The following PIKFYVE variants were observed in gnomAD, a reference collection of about 807,000 sequenced individuals.
PIKFYVE encodes 1-phosphatidylinositol 3-phosphate 5-kinase.
In PIKFYVE, 122 loss-of-function variants were observed where a neutral mutation model predicts 257.9. The ratio of observed to expected loss-of-function variants is 0.47; its 90% confidence interval spans 0.41 to 0.55. The LOEUF (loss-of-function observed/expected upper bound fraction) is 0.55. Among genes scored for constraint, PIKFYVE ranks in the 20% least tolerant of loss-of-function variants. The pLI, the probability that PIKFYVE is intolerant of heterozygous loss-of-function variation, is 0.00. For missense variants in PIKFYVE, 2,160 were observed against 2,536.6 expected (o/e 0.85, Z 3.19); for synonymous variants, 892 against 868.9 (o/e 1.03, Z -0.47).
intron 30 of PIKFYVE, 107 bp downstream of exon 30, chr2:208,339,662 C>T: frequency 7.1e-7 from 1 of 1,399,648 alleles, no homozygotes; most frequent in Non-Finnish European, 9.9e-7. Flanking sequence ...ATATTTGCTT[C>T]ATAATAACAG....
intron 34 of PIKFYVE, among the ~76,000 whole-genome samples, chr2:208,346,671 G>C (rs896577843): frequency 3.9e-5 from 6 of 152,154 alleles, no homozygotes; most frequent in Non-Finnish European, 8.8e-5. Context: ...GACTTTGTCA[G>C]GAACACATTC....
Position 208,324,218 on chromosome 2 carries a change from T to G in PIKFYVE, c.2267T>G (p.Val756Gly). ...RPTLVLVEKT[V>G]SRIAQDMLLE... is the part of the protein sequence containing the mutation. ...ACCTTGGTTCTTGTTGAGAAAACAG[T>G]GTCTCGGATTGCCCAGGACATGTTA... The change falls in exon 18 of 42, where the codon GTG (valine) becomes GGG (glycine). Residue 756 changes from valine (V) to glycine (G), a missense_variant. Physicochemically the swap from Val to Gly is moderately radical, Grantham distance 109 (BLOSUM62 -3). Coordinates refer to ENST00000264380, the MANE Select transcript of PIKFYVE (RefSeq NM_015040.4). 1.9e-6 allele frequency: 3 copies of G among 1,614,058 alleles called. No homozygotes were observed. Among genetic ancestry groups the G allele is most frequent in the Non-Finnish European group, 2.5e-6 (3 of 1,179,908 alleles).
Position 208,357,079 on chromosome 2 carries a change from T to C in PIKFYVE, c.*1774T>C, listed in dbSNP as rs1340244558. On this transcript the variant is annotated 3_prime_UTR_variant, in exon 42 of 42. Transcript: ENST00000264380. Reference sequence around the variant, plus strand: ...TGACTAATGTGATGCTAAGTTCCACTTGGCCCCTTTTAAAAACGTGTATGT... The same window carrying C: ...TGACTAATGTGATGCTAAGTTCCACCTGGCCCCTTTTAAAAACGTGTATGT... 6.6e-6 allele frequency: 1 copy of C among 152,232 alleles called. No homozygotes were observed. The highest frequency in any genetic ancestry group is 2.4e-5 in the African/African-American group (1 of 41,446). The allele number at this position is 152,232 out of a possible 1,614,324, so 9.4% of individuals were successfully genotyped here.
intron 39 of PIKFYVE, 26 bp downstream of exon 39, chr2:208,352,808 A>G (rs1379903260): frequency 6.2e-7 from 1 of 1,609,576 alleles, no homozygotes. Context: ...TATGTGAAGC[A>G]TTTAGCTACT....
intron 17 of PIKFYVE, among the ~76,000 whole-genome samples, chr2:208,323,607 A>G (rs537188604): frequency 5.9e-4 from 90 of 152,196 alleles, no homozygotes; most frequent in African/African-American, 2.0e-3. Flanking sequence ...ATGATTTATA[A>G]TCCTTTGGGT....
chr2:208,353,943 G>C lies in PIKFYVE; in HGVS notation c.5890G>C (p.Asp1964His). 1.2e-6 allele frequency: 2 copies of C among 1,613,962 alleles called. No homozygotes were observed. Among genetic ancestry groups the C allele is most frequent in the Non-Finnish European group, 1.7e-6 (2 of 1,179,934 alleles). ...TCTTAGGAATCGGAATGTAAAAACT[G>C]ACACTGGAAAAGAGAGTTGTGATGT... ...GSLRNRNVKT[D>H]TGKESCDVVL... Residue 1964 changes from aspartate (D) to histidine (H), a missense_variant, in exon 40 of 42, where the codon GAC becomes CAC. This residue lies in a region of PIKFYVE where 699 missense variants were observed against 855.8 expected (regional missense o/e 0.82). Coordinates refer to ENST00000264380, the MANE Select transcript of PIKFYVE (RefSeq NM_015040.4).
intron 12 of PIKFYVE, among the ~76,000 whole-genome samples, chr2:208,306,236 A>G: frequency 6.6e-6 from 1 of 152,236 alleles, no homozygotes; most frequent in East Asian, 1.9e-4. Context: ...AGACATCTTT[A>G]TGGAAATCCT....
chr2:208,320,954 G>C (rs1412921453), intron 17 of PIKFYVE, among the ~76,000 whole-genome samples: 1 of 152,220 alleles, frequency 6.6e-6, no homozygotes, highest in Non-Finnish European at 1.5e-5. Flanking sequence ...GCATCTCTGT[G>C]TGGTTCTTGG....
chr2:208,293,245 T>A (rs1692543829), intron 7 of PIKFYVE, among the ~76,000 whole-genome samples: 1 of 152,162 alleles, frequency 6.6e-6, no homozygotes, highest in Non-Finnish European at 1.5e-5. Context: ...GGCATTCATT[T>A]CACTTACATA....
At chr2:208,268,635 G>A (rs1490427002) in intron 1 of PIKFYVE, among the ~76,000 whole-genome samples, 1 of 149,360 alleles carries the variant, frequency 6.7e-6, no homozygotes, top group African/African-American at 2.5e-5. Context: ...TACTTATTCA[G>A]TTATCAGCTT....
At chr2:208,343,750 T>G (rs1698950470) in intron 32 of PIKFYVE, among the ~76,000 whole-genome samples, 1 of 152,216 alleles carries the variant, frequency 6.6e-6, no homozygotes, top group Non-Finnish European at 1.5e-5. Flanking sequence ...TTCTGACTTT[T>G]TAGTTTATAC....
intron 27 of PIKFYVE, 35 bp from the exon 28 acceptor site, chr2:208,336,803 C>CCA (rs760201970): frequency 7.1e-7 from 1 of 1,409,566 alleles, no homozygotes; most frequent in Non-Finnish European, 1.0e-6. Context: ...TAGAAACAAA[C>CCA]CATATATATA....
rs1024877443 is a variant in PIKFYVE at position 208,280,973 on chromosome 2, T to A, written c.613+3265T>A. 2.0e-5 allele frequency among the ~76,000 whole-genome samples: 3 copies of A among 152,236 alleles called. No homozygotes were observed. In the East Asian group the frequency reaches 5.8e-4, roughly 29 times the overall value. On this transcript the variant is annotated intron_variant, in intron 5 of 41. Coordinates refer to ENST00000264380, the MANE Select transcript of PIKFYVE (RefSeq NM_015040.4). The stretch of plus-strand genomic sequence containing the variant: ...CCTATTGGCCCCTGCCACCCTGGGA[T>A]CCAGTGATCCCCATTGCATTTAGGT...
chr2:208,314,504 TA>T, intron 14 of PIKFYVE, 81 bp downstream of exon 14: 1 of 1,435,496 alleles, frequency 7.0e-7, no homozygotes, highest in Non-Finnish European at 9.5e-7. Context: ...TCATTCCTCT[TA>T]AAAAGGGAGG....
intron 5 of PIKFYVE, among the ~76,000 whole-genome samples, chr2:208,280,024 A>G (rs1005771643): frequency 1.3e-5 from 2 of 152,028 alleles, no homozygotes; most frequent in African/African-American, 4.8e-5. Context: ...GTTTCTCCCT[A>G]CCTCTAATTC....
chr2:208,295,039 A>G (rs1234156047), intron 7 of PIKFYVE, among the ~76,000 whole-genome samples: 1 of 149,692 alleles, frequency 6.7e-6, no homozygotes, highest in Non-Finnish European at 1.5e-5. Context: ...GAATTTGTCA[A>G]TTTGATTTTA....
intron 7 of PIKFYVE, among the ~76,000 whole-genome samples, chr2:208,291,203 T>C (rs1304334733): frequency 6.6e-6 from 1 of 152,168 alleles, no homozygotes; most frequent in East Asian, 1.9e-4. Context: ...AGAGTTTTTA[T>C]AATGAAGGAG....
chr2:208,277,833 G>T, intron 5 of PIKFYVE, 125 bp downstream of exon 5: 1 of 976,570 alleles, frequency 1.0e-6, no homozygotes, highest in South Asian at 1.4e-5. Flanking sequence ...GGACACAAAG[G>T]TGAGGGAGAC....
chr2:208,335,443 C>G (rs774312442), intron 25 of PIKFYVE, 24 bp downstream of exon 25: 1 of 1,469,380 alleles, frequency 6.8e-7, no homozygotes, highest in East Asian at 2.3e-5. Flanking sequence ...CTTTTATCAT[C>G]TTTTTTTGTT....
Sources: allele counts gnomAD v4.1 joint callset (sites outside exome capture counted in the v4.1 genomes callset), GRCh38; gene constraint gnomAD v4.1.1; regional missense constraint gnomAD v4.1.1; transcripts MANE v1.5; gene names NCBI Gene and HGNC (gene_info 2026-07-23, HGNC 2026-07-21).